Variants in TGFBR2 observed in about 807,000 individuals in gnomAD.
TGFBR2 encodes the protein transforming growth factor beta receptor 2, also known as TGF-beta receptor type-2.
Under a neutral mutation model 49.0 loss-of-function variants are expected in TGFBR2, and 18 were observed. The observed-to-expected ratio is 0.37, with a 90% confidence interval of 0.25 to 0.54. The LOEUF (loss-of-function observed/expected upper bound fraction) is 0.54. Among genes scored for constraint, TGFBR2 ranks in the 20% least tolerant of loss-of-function variants. TGFBR2 has a pLI of 0.85. For synonymous variants in TGFBR2, 282 were observed against 275.9 expected (o/e 1.02, Z -0.22); for missense variants, 525 against 722.6 (o/e 0.73, Z 3.13).
At chr3:30,635,062 T>G (rs1698504740) in intron 1 of TGFBR2, among the ~76,000 whole-genome samples, 1 of 152,200 alleles carries the variant, frequency 6.6e-6, no homozygotes. Flanking sequence ...ACTTAAGAAT[T>G]TCATGTATTG....
chr3:30,650,190 T>C, intron 2 of TGFBR2, 80 bp from the exon 3 acceptor site: 1 of 1,414,958 alleles, frequency 7.1e-7, no homozygotes, highest in East Asian at 2.3e-5. Flanking sequence ...ATTGCCTTTC[T>C]GTCTGGAGGC....
intron 5 of TGFBR2, among the ~76,000 whole-genome samples, chr3:30,685,397 G>A (rs140615700): frequency 9.1e-4 from 138 of 152,350 alleles, no homozygotes; most frequent in Middle Eastern, 3.4e-3. Flanking sequence ...AGAGGAGAAA[G>A]CACTTCCTTG....
chr3:30,652,038 G>A (rs773327194), intron 3 of TGFBR2, among the ~76,000 whole-genome samples: 6 of 152,132 alleles, frequency 3.9e-5, no homozygotes, highest in Non-Finnish European at 5.9e-5. Context: ...GATCCAGCTT[G>A]TTCTCTTCCT....
chr3:30,666,893 G>A (rs989007957), intron 3 of TGFBR2, among the ~76,000 whole-genome samples: 1 of 151,444 alleles, frequency 6.6e-6, no homozygotes, highest in Admixed American at 6.6e-5. Flanking sequence ...TGATTCTCCC[G>A]CCAAAGTGCT....
intron 1 of TGFBR2, among the ~76,000 whole-genome samples, chr3:30,608,857 G>A (rs1384943365): frequency 6.6e-6 from 1 of 152,106 alleles, no homozygotes; most frequent in African/African-American, 2.4e-5. Context: ...GTGACATTTT[G>A]CTAATAAATA....
At chr3:30,641,520 GA>G (rs1424578238) in intron 1 of TGFBR2, among the ~76,000 whole-genome samples, 1 of 151,894 alleles carries the variant, frequency 6.6e-6, no homozygotes, top group East Asian at 1.9e-4. Flanking sequence ...ACAGGCTTTT[GA>G]AAAAAAATTC....
intron 1 of TGFBR2, among the ~76,000 whole-genome samples, chr3:30,642,315 G>T (rs1013533635): frequency 6.8e-5 from 10 of 146,886 alleles, no homozygotes; most frequent in African/African-American, 1.4e-4. Flanking sequence ...GGGTGGGAGT[G>T]GGGGGGTTGC....
At chr3:30,627,294 A>G (rs956307361) in intron 1 of TGFBR2, among the ~76,000 whole-genome samples, 14 of 152,150 alleles carry the variant, frequency 9.2e-5, no homozygotes, top group African/African-American at 3.4e-4. Context: ...CATTTTCCTG[A>G]CAAGTCCCCA....
At chr3:30,668,199 C>T (rs1239745600) in intron 3 of TGFBR2, among the ~76,000 whole-genome samples, 6 of 152,100 alleles carry the variant, frequency 3.9e-5, no homozygotes, top group Admixed American at 1.3e-4. Flanking sequence ...CTAAAACAAA[C>T]GTTTGTTGAA....
At chr3:30,628,442 G>A (rs1559450922) in intron 1 of TGFBR2, among the ~76,000 whole-genome samples, 1 of 126,792 alleles carries the variant, frequency 7.9e-6, no homozygotes, top group Non-Finnish European at 1.6e-5. Flanking sequence ...CCTCTGTGCT[G>A]TATTCTCCTA....
chr3:30,623,261 C>G, intron 1 of TGFBR2: 1 of 1,613,902 alleles, frequency 6.2e-7, no homozygotes, highest in Non-Finnish European at 8.5e-7. Context: ...GACTGCCCAT[C>G]CACTGAGACA....
At chr3:30,660,578 C>T (rs988558652) in intron 3 of TGFBR2, among the ~76,000 whole-genome samples, 1 of 152,128 alleles carries the variant, frequency 6.6e-6, no homozygotes, top group African/African-American at 2.4e-5. Flanking sequence ...ATGGCAGCTA[C>T]CACAGGAAGG....
chr3:30,693,903 CT>C lies in TGFBR2; in HGVS notation c.*2310del. ...ATTCTGTAGTTCCTAAAAATACTGA[CT>C]TTTTTCACTACTATACATAAAGGGA... On this transcript the variant is annotated 3_prime_UTR_variant, in exon 7 of 7. Transcript: ENST00000295754. The C allele has an allele frequency of 4.4e-6, 1 of 229,648 alleles. No homozygotes were observed. The highest frequency in any genetic ancestry group is 8.6e-6 in the Non-Finnish European group (1 of 115,720). 14.2% of individuals were successfully genotyped at this position (229,648 alleles called of 1,614,324 possible).
intron 1 of TGFBR2, among the ~76,000 whole-genome samples, chr3:30,627,911 C>G (rs76495833): frequency 0.02 from 2,983 of 152,102 alleles, 104 homozygotes; most frequent in East Asian, 0.15. Flanking sequence ...TCTCAAGTCC[C>G]AAAGAGGTCC....
chr3:30,670,055 G>A (rs1699312263), intron 3 of TGFBR2, among the ~76,000 whole-genome samples: 1 of 152,016 alleles, frequency 6.6e-6, no homozygotes, highest in South Asian at 2.1e-4. Context: ...TTCTGACACG[G>A]AGTTTGGTTC....
intron 1 of TGFBR2, among the ~76,000 whole-genome samples, chr3:30,636,403 A>G (rs1443987455): frequency 1.3e-5 from 2 of 152,126 alleles, no homozygotes; most frequent in African/African-American, 4.8e-5. Context: ...TTCTGCCCAC[A>G]TGGTGGTCTC....
At position 30,676,310 on chromosome 3, in the gene TGFBR2, C is replaced by T. The variant is rs1218368479; in HGVS notation, c.1396+2064C>T. On this transcript the variant is annotated intron_variant, in intron 5 of 6. Transcript: ENST00000295754. The surrounding 1 kb of genome is among the most constrained non-coding windows in gnomAD (Gnocchi z 4.3). Reference sequence around the variant, plus strand: ...ACTAAATACCTGTTTAGCAAAGGTACTAGAACTTTCTTATTCATCATTTAC... The same window carrying T: ...ACTAAATACCTGTTTAGCAAAGGTATTAGAACTTTCTTATTCATCATTTAC... Among the ~76,000 whole-genome samples, 1 of 152,148 alleles carries T rather than the reference C, an allele frequency of 6.6e-6. No homozygotes were observed. The highest frequency in any genetic ancestry group is 1.5e-5 in the Non-Finnish European group (1 of 68,026).
chr3:30,681,190 G>A (rs1699533708), intron 5 of TGFBR2, among the ~76,000 whole-genome samples: 1 of 144,892 alleles, frequency 6.9e-6, no homozygotes, highest in Non-Finnish European at 1.5e-5. Flanking sequence ...AAGTGCAAAT[G>A]AACCAAAAAG....
At chr3:30,657,632 G>A (rs561119796) in intron 3 of TGFBR2, among the ~76,000 whole-genome samples, 1 of 152,288 alleles carries the variant, frequency 6.6e-6, no homozygotes, top group South Asian at 2.1e-4. Context: ...GGCACAGAGT[G>A]AGCACTTAAT....
Sources: allele counts gnomAD v4.1 joint callset (sites outside exome capture counted in the v4.1 genomes callset), GRCh38; gene constraint gnomAD v4.1.1; non-coding constraint Gnocchi (gnomAD v3.1); transcripts MANE v1.5; gene names NCBI Gene and HGNC (gene_info 2026-07-23, HGNC 2026-07-21).